ZFAND2A: variants seen among roughly 807,000 people sequenced by gnomAD.
The protein encoded by ZFAND2A is AN1-type zinc finger protein 2A.
A neutral mutation model predicts 11.6 loss-of-function variants in ZFAND2A; 20 were observed. The observed-to-expected ratio is 1.72, with a 90% CI of 1.21 to 2.50. The LOEUF is 2.50. Among genes scored for constraint, ZFAND2A ranks in the 30% most tolerant of loss-of-function variants. The probability of loss-of-function intolerance (pLI) is 0.00; values close to 1 mark genes in which losing one functional copy is unlikely to be tolerated. For synonymous variants in ZFAND2A, 93 were observed against 60.6 expected (o/e 1.54, Z -2.48); for missense variants, 234 against 182.9 (o/e 1.28, Z -1.61).
At position 1,152,966 on chromosome 7, in the gene ZFAND2A, C is replaced by G. The variant is rs1393924576; in HGVS notation, c.*103G>C. 2 of 1,455,470 alleles carry G rather than the reference C, an allele frequency of 1.4e-6. No individual in the cohort carries two copies. Among genetic ancestry groups the G allele is most frequent in the East Asian group, 4.8e-5 (2 of 41,580 alleles). The allele number at this position is 1,455,470 out of a possible 1,614,324, so 90.2% of individuals were successfully genotyped here. On this transcript the variant is annotated 3_prime_UTR_variant, in exon 5 of 5. Transcript: ENST00000316495. ...CTCCCTCAACAAACAAGATCAGCAG[C>G]CAGTGTGGGATGGTGCTCAATGGGG...
At chr7:1,155,392 C>G in intron 4 of ZFAND2A, 61 bp downstream of exon 4, 2 of 1,587,140 alleles carry the variant, frequency 1.3e-6, no homozygotes, top group South Asian at 2.3e-5. Context: ...AGCAAACTGA[C>G]TCTTCCCAAG....
In ZFAND2A at chr7:1,157,194, G is replaced by A. The variant is rs148379259; in HGVS notation, c.150+462C>T. 861 of 152,710 alleles carry A rather than the reference G, an allele frequency of 5.6e-3. 8 individuals are homozygous for A. Among genetic ancestry groups the A allele is most frequent in the Non-Finnish European group, 9.9e-3 (678 of 68,302 alleles). The allele number at this position is 152,710 out of a possible 1,614,324, so 9.5% of individuals were successfully genotyped here. ...TCAGTTTCTGCTGTGTACTCTGGGA[G>A]TCACCTAAATACTATGTCAAGGCTG... On this transcript the variant is annotated intron_variant, in intron 3 of 4. Coordinates refer to ENST00000316495, the MANE Select transcript of ZFAND2A (RefSeq NM_182491.4).
intron 3 of ZFAND2A, among the ~76,000 whole-genome samples, chr7:1,156,870 TG>T (rs143488081): frequency 0.017 from 2,654 of 152,294 alleles, 55 homozygotes; most frequent in African/African-American, 0.061. Flanking sequence ...GAAGACAAGC[TG>T]GGCAGTCTGG....
downstream of ZFAND2A, among the ~76,000 whole-genome samples, chr7:1,151,190 A>G (rs1254941640): frequency 1.3e-5 from 2 of 151,068 alleles, no homozygotes; most frequent in African/African-American, 4.9e-5. Context: ...GCCTGGCTGA[A>G]CTGTGCCTGT....
chr7:1,151,408 C>CAG (rs1793396382), downstream of ZFAND2A, among the ~76,000 whole-genome samples: 1 of 152,060 alleles, frequency 6.6e-6, no homozygotes, highest in Non-Finnish European at 1.5e-5. Flanking sequence ...CACATCGTTA[C>CAG]AGAGGTGACA....
rs547786972 is a variant in ZFAND2A, at chr7:1,153,967, G to A, written c.283-743C>T. Among the ~76,000 whole-genome samples the A allele has an allele frequency of 1.1e-3, 165 of 152,040 alleles. 1 individual carries two copies. Among genetic ancestry groups the A allele is most frequent in the Middle Eastern group, 3.4e-3 (1 of 294 alleles). ...TTAAAAAGAAAGAAAAAAAAAAGCC[G>A]GTCAGCATTGAAGCTGGGGATTCCC... On this transcript the variant is annotated intron_variant, in intron 4 of 4. Coordinates refer to ENST00000316495, the MANE Select transcript of ZFAND2A (RefSeq NM_182491.4).
intron 1 of ZFAND2A, among the ~76,000 whole-genome samples, chr7:1,158,826 CGAGA>C (rs1379619890): frequency 1.3e-5 from 2 of 152,084 alleles, no homozygotes; most frequent in African/African-American, 2.4e-5. Context: ...CTACCGCACT[CGAGA>C]GAGAATCAAG....
chr7:1,156,742 G>C (rs1240787969), intron 3 of ZFAND2A, among the ~76,000 whole-genome samples: 4 of 152,246 alleles, frequency 2.6e-5, no homozygotes, highest in Non-Finnish European at 5.9e-5. Flanking sequence ...CCCGTCTACA[G>C]CCCGAGCTGG....
intron 2 of ZFAND2A, among the ~76,000 whole-genome samples, 172 bp from the exon 3 acceptor site, chr7:1,157,922 C>G (rs1356367826): frequency 1.3e-5 from 2 of 152,188 alleles, no homozygotes; most frequent in African/African-American, 4.8e-5. Flanking sequence ...TAGAGACCCC[C>G]TATGGCATCG....
At chr7:1,154,437 G>A (rs957863866) in intron 4 of ZFAND2A, among the ~76,000 whole-genome samples, 1 of 152,220 alleles carries the variant, frequency 6.6e-6, no homozygotes, top group Non-Finnish European at 1.5e-5. Context: ...CAGCCGGGAG[G>A]GCATTCCTGT....
At chr7:1,154,144 A>C (rs984632175) in intron 4 of ZFAND2A, among the ~76,000 whole-genome samples, 1 of 151,106 alleles carries the variant, frequency 6.6e-6, no homozygotes, top group Admixed American at 6.6e-5. Context: ...GGTTGTCCCC[A>C]TCAAGGGAAT....
At chr7:1,155,651 G>C in intron 3 of ZFAND2A, 67 bp from the exon 4 acceptor site, 1 of 1,577,280 alleles carries the variant, frequency 6.3e-7, no homozygotes, top group Non-Finnish European at 8.6e-7. Flanking sequence ...AGTTTTAAAC[G>C]AGTACTCCTG....
At chr7:1,157,581 G>T in intron 3 of ZFAND2A, 75 bp downstream of exon 3, 1 of 1,409,500 alleles carries the variant, frequency 7.1e-7, no homozygotes, top group Non-Finnish European at 9.7e-7. Context: ...TACGTCGCTA[G>T]TCCCTACCAT....
At chr7:1,150,922 C>G (rs1017201071), downstream of ZFAND2A, among the ~76,000 whole-genome samples, 2 of 139,432 alleles carry the variant, frequency 1.4e-5, no homozygotes, top group African/African-American at 2.8e-5. Context: ...CAGTCTTGCT[C>G]TGTTGCCCAG....
chr7:1,157,426 G>A, intron 3 of ZFAND2A: 2 of 392,618 alleles, frequency 5.1e-6, no homozygotes, highest in Non-Finnish European at 9.2e-6. Context: ...CTGAAAATAA[G>A]ATCTCAGTTG....
chr7:1,157,596 G>C lies in ZFAND2A; in HGVS notation c.150+60C>G, dbSNP rs940620878. 25 of 1,493,516 alleles carry C rather than the reference G, an allele frequency of 1.7e-5. No individual in the cohort carries two copies. The African/African-American group carries it at 2.7e-4, about 16-fold the overall frequency. The allele number at this position is 1,493,516 out of a possible 1,614,324, so 92.5% of individuals were successfully genotyped here. On this transcript the variant is annotated intron_variant, in intron 3 of 4. Transcript: ENST00000316495. ...TACGTCGCTAGTCCCTACCATACCAGCAAGACAGTGCAGCTTCAGACGGTG... is the reference window on the plus strand; with the variant it reads ...TACGTCGCTAGTCCCTACCATACCACCAAGACAGTGCAGCTTCAGACGGTG...
At chr7:1,159,438 C>A (rs999263689) in intron 1 of ZFAND2A, among the ~76,000 whole-genome samples, 4 of 151,732 alleles carry the variant, frequency 2.6e-5, no homozygotes, top group Non-Finnish European at 4.4e-5. Context: ...AGGCCCGGCC[C>A]CCAGCAGACA....
downstream of ZFAND2A, among the ~76,000 whole-genome samples, chr7:1,151,762 T>TAAAAGAAAAGAAAAAAAAAAAAAA (rs1554344525): frequency 1.1e-5 from 1 of 87,156 alleles, no homozygotes; most frequent in Admixed American, 1.2e-4. Flanking sequence ...TCATCCCTTT[T>TAAAAGAAAAGAAAAAAAAAAAAAA]AAAAAAAAAA....
intron 3 of ZFAND2A, among the ~76,000 whole-genome samples, chr7:1,156,111 C>CCGCCCAGCATCTAA (rs11268909): frequency 1.7e-5 from 2 of 120,404 alleles, no homozygotes; most frequent in African/African-American, 8.6e-5. Flanking sequence ...AAGGGGTGGA[C>CCGCCCAGCATCTAA]CGCCCAGCAA....
Sources: gnomAD v4.1 joint callset for allele counts (sites outside exome capture counted in the v4.1 genomes callset) on GRCh38, gnomAD v4.1.1 for gene constraint, MANE v1.5 for transcripts, NCBI Gene and HGNC (gene_info 2026-07-23, HGNC 2026-07-21) for gene names.